The following TMPRSS11F variants were observed in gnomAD, a reference collection of about 807,000 sequenced individuals.
The protein encoded by TMPRSS11F is transmembrane serine protease 11F.
In TMPRSS11F, 47 loss-of-function variants were observed where a neutral mutation model predicts 60.2. The ratio of observed to expected loss-of-function variants is 0.78; its 90% confidence interval spans 0.62 to 1.00. The LOEUF (loss-of-function observed/expected upper bound fraction) is 1.00, where lower values mean the gene tolerates loss of function less well. Ranked by LOEUF, TMPRSS11F falls within the 50% of genes least tolerant of loss-of-function variation. The probability of loss-of-function intolerance (pLI) is 0.00; values close to 1 mark genes in which losing one functional copy is unlikely to be tolerated. For synonymous variants in TMPRSS11F, 166 were observed against 167.3 expected, an observed-to-expected ratio of 0.99 and a Z score of 0.06; for missense variants, 519 against 522.9, an observed-to-expected ratio of 0.99 and a Z score of 0.07.
chr4:68,125,892 T>C (rs1053551183), intron 1 of TMPRSS11F, among the ~76,000 whole-genome samples: 3 of 152,186 alleles, frequency 2.0e-5, no homozygotes, highest in African/African-American at 7.2e-5. Context: ...TCAAAATGCA[T>C]TTCAGAAATT....
intron 3 of TMPRSS11F, among the ~76,000 whole-genome samples, chr4:68,088,889 T>C (rs1272717657): frequency 1.3e-5 from 2 of 152,080 alleles, no homozygotes; most frequent in Non-Finnish European, 2.9e-5. Flanking sequence ...GAAACACTGC[T>C]GAAAGAAATC....
chr4:68,081,107 G>T lies in TMPRSS11F; in HGVS notation c.283-7098C>A, dbSNP rs1723688833. ...TAAAACATAGTCCCTCAAGCTAGTT[G>T]TTGTAGTTTTAGAATATAAAGAGCC... On this transcript the variant is annotated intron_variant, in intron 3 of 9. Coordinates refer to ENST00000356291, the MANE Select transcript of TMPRSS11F (RefSeq NM_207407.2). 2.0e-5 allele frequency among the ~76,000 whole-genome samples: 3 copies of T among 152,302 alleles called. No homozygotes were observed. In the South Asian group the frequency reaches 6.2e-4, roughly 32 times the overall value.
chr4:68,087,878 C>A (rs1196148211), intron 3 of TMPRSS11F, among the ~76,000 whole-genome samples: 1 of 114,328 alleles, frequency 8.7e-6, no homozygotes, highest in Non-Finnish European at 1.7e-5. Flanking sequence ...CCTCCCCCCA[C>A]CCCACAACAG....
chr4:68,071,260 T>C (rs1014541246), intron 5 of TMPRSS11F, among the ~76,000 whole-genome samples: 1 of 152,196 alleles, frequency 6.6e-6, no homozygotes, highest in African/African-American at 2.4e-5. Context: ...TAATTACTTC[T>C]TGAGAATGTA....
chr4:68,086,512 A>G (rs1320547811), intron 3 of TMPRSS11F, among the ~76,000 whole-genome samples: 1 of 152,178 alleles, frequency 6.6e-6, no homozygotes, highest in Non-Finnish European at 1.5e-5. Flanking sequence ...AAAATAAAAG[A>G]CAATTAAAAT....
intron 1 of TMPRSS11F, among the ~76,000 whole-genome samples, chr4:68,113,816 A>G (rs1303869622): frequency 6.6e-6 from 1 of 152,154 alleles, no homozygotes; most frequent in East Asian, 1.9e-4. Context: ...CCACCCAACA[A>G]CAGCATAATA....
At chr4:68,062,922 T>C (rs1723224840) in intron 8 of TMPRSS11F, 1 of 790,142 alleles carries the variant, frequency 1.3e-6, no homozygotes, top group African/African-American at 1.7e-5. Flanking sequence ...AGTCTCCCAT[T>C]TGTGGCATTA....
At chr4:68,122,168 A>T (rs1393330868) in intron 1 of TMPRSS11F, among the ~76,000 whole-genome samples, 1 of 152,178 alleles carries the variant, frequency 6.6e-6, no homozygotes, top group Non-Finnish European at 1.5e-5. Flanking sequence ...ATTACATTTT[A>T]ACTGTTGAGC....
At chr4:68,065,020 CAACT>C in intron 7 of TMPRSS11F, 76 bp from the exon 8 acceptor site, 1 of 1,410,310 alleles carries the variant, frequency 7.1e-7, no homozygotes, top group Non-Finnish European at 9.6e-7. Flanking sequence ...TATTTCTTCC[CAACT>C]GTCAGTATTA....
chr4:68,054,187 CTATAT>C, intron 9 of TMPRSS11F, 120 bp from the exon 10 acceptor site: 1 of 792,728 alleles, frequency 1.3e-6, no homozygotes, highest in Non-Finnish European at 2.0e-6. Context: ...AGACTACAGA[CTATAT>C]AATGGGTCTC....
chr4:68,089,394 C>T (rs961138312), intron 3 of TMPRSS11F, among the ~76,000 whole-genome samples: 5 of 152,010 alleles, frequency 3.3e-5, no homozygotes, highest in African/African-American at 9.7e-5. Flanking sequence ...AGTGGACCTA[C>T]AGCGCAACTA....
chr4:68,114,415 G>C (rs1724471387), intron 1 of TMPRSS11F, among the ~76,000 whole-genome samples: 1 of 151,964 alleles, frequency 6.6e-6, no homozygotes, highest in Admixed American at 6.6e-5. Flanking sequence ...ATAAAAGAAT[G>C]ATAAATAAAT....
chr4:68,101,043 G>C (rs1024983460), intron 1 of TMPRSS11F, among the ~76,000 whole-genome samples: 1 of 152,066 alleles, frequency 6.6e-6, no homozygotes, highest in Non-Finnish European at 1.5e-5. Context: ...CCTTCAAGAA[G>C]CACGAAATAA....
At chr4:68,128,338 T>C (rs1450159841) in intron 1 of TMPRSS11F, among the ~76,000 whole-genome samples, 1 of 152,192 alleles carries the variant, frequency 6.6e-6, no homozygotes, top group Non-Finnish European at 1.5e-5. Flanking sequence ...ATGGATATGC[T>C]AATTACTCTG....
intron 1 of TMPRSS11F, among the ~76,000 whole-genome samples, chr4:68,109,191 A>C (rs755202061): frequency 6.6e-6 from 1 of 152,146 alleles, no homozygotes; most frequent in African/African-American, 2.4e-5. Context: ...TTGAGCACCT[A>C]CTATGTAACC....
chr4:68,062,869 T>A, intron 8 of TMPRSS11F: 1 of 777,604 alleles, frequency 1.3e-6, no homozygotes, highest in African/African-American at 1.7e-5. Context: ...GTCTGTTTGC[T>A]GCCCAATTTT....
rs1226074687 is a variant in TMPRSS11F at position 68,090,624 on chromosome 4, A to G, written c.181T>C (p.Tyr61His). ...TTTGTGACTTTAAAAGAGGCAAGGT[A>G]ATAGAAAGACTTATCATCTGAAAGG... ...FVVEDDKSFY[Y>H]LASFKVTNIK... Residue 61 changes from tyrosine (Y) to histidine (H), a missense_variant, in exon 3 of 10, where the codon TAC becomes CAC. Tyr to His is a moderately conservative substitution (Grantham distance 83). Coordinates refer to ENST00000356291, the MANE Select transcript of TMPRSS11F (RefSeq NM_207407.2). The G allele has an allele frequency of 5.0e-6, 8 of 1,597,126 alleles. No homozygotes were observed. The highest frequency in any genetic ancestry group is 6.8e-6 in the Non-Finnish European group (8 of 1,171,074).
At chr4:68,126,423 T>C (rs1724715406) in intron 1 of TMPRSS11F, among the ~76,000 whole-genome samples, 1 of 152,212 alleles carries the variant, frequency 6.6e-6, no homozygotes. Context: ...CAACTTAAGT[T>C]TACTTAAAGT....
At chr4:68,129,073 C>G (rs1486855349) in intron 1 of TMPRSS11F, among the ~76,000 whole-genome samples, 2 of 152,104 alleles carry the variant, frequency 1.3e-5, no homozygotes, top group African/African-American at 4.8e-5. Context: ...AGATCGAGAA[C>G]CTTTTTAAGA....
Sources: allele counts gnomAD v4.1 joint callset (sites outside exome capture counted in the v4.1 genomes callset), GRCh38; gene constraint gnomAD v4.1.1; transcripts MANE v1.5; gene names NCBI Gene and HGNC (gene_info 2026-07-23, HGNC 2026-07-21).